KALRN: variants seen among roughly 807,000 people sequenced by gnomAD.
KALRN encodes kalirin.
A neutral mutation model predicts 353.7 loss-of-function variants in KALRN; 70 were observed. The ratio of observed to expected loss-of-function variants is 0.20; its 90% CI spans 0.16 to 0.24. KALRN has a LOEUF of 0.24. KALRN is among the 10% of genes least tolerant of loss of function. The probability of loss-of-function intolerance (pLI) is 1.00; values close to 1 mark genes in which losing one functional copy is unlikely to be tolerated. For missense variants in KALRN, 2,791 were observed against 3,756.7 expected (o/e 0.74, Z 6.72); for synonymous variants, 1,391 against 1,434.8 (o/e 0.97, Z 0.69).
intron 1 of KALRN, among the ~76,000 whole-genome samples, chr3:124,058,206 G>T (rs1460494381): frequency 6.6e-6 from 1 of 152,150 alleles, no homozygotes; most frequent in East Asian, 1.9e-4. Context: ...TTCAAGATGA[G>T]ATTTGGGTGG....
At chr3:124,110,554 A>G (rs2062867029) in intron 1 of KALRN, among the ~76,000 whole-genome samples, 1 of 150,402 alleles carries the variant, frequency 6.6e-6, no homozygotes, top group Admixed American at 6.6e-5. Flanking sequence ...ATTCCTGATG[A>G]TCCTTCTTCA....
At chr3:124,706,626 G>C (rs1175698146) in intron 57 of KALRN, among the ~76,000 whole-genome samples, 1 of 151,400 alleles carries the variant, frequency 6.6e-6, no homozygotes, top group Non-Finnish European at 1.5e-5. Context: ...CTGGAGTGCA[G>C]TGATGCAGTC....
chr3:124,422,071 A>C (rs1024177703), intron 14 of KALRN, among the ~76,000 whole-genome samples: 1 of 152,202 alleles, frequency 6.6e-6, no homozygotes, highest in Non-Finnish European at 1.5e-5. Context: ...ACATTGAGCA[A>C]ACTCTCCTTG....
chr3:124,670,301 A>G (rs1306248706), intron 47 of KALRN, among the ~76,000 whole-genome samples: 1 of 152,110 alleles, frequency 6.6e-6, no homozygotes, highest in Non-Finnish European at 1.5e-5. Context: ...TATATTTTCA[A>G]TCCACAGTTG....
At chr3:124,154,017 T>A (rs551822384) in intron 1 of KALRN, among the ~76,000 whole-genome samples, 19 of 152,328 alleles carry the variant, frequency 1.2e-4, no homozygotes, top group South Asian at 4.1e-4. Flanking sequence ...TCTGGATATT[T>A]GCCCTTTGTC....
chr3:124,546,844 A>T, intron 33 of KALRN, among the ~76,000 whole-genome samples: 1 of 152,212 alleles, frequency 6.6e-6, no homozygotes, highest in East Asian at 1.9e-4. Flanking sequence ...CTTCGAGAAT[A>T]CAGAGACATC....
intron 49 of KALRN, 157 bp downstream of exon 49, chr3:124,674,771 T>G (rs1020988687): frequency 1.4e-6 from 1 of 721,236 alleles, no homozygotes; most frequent in Non-Finnish European, 2.1e-6. Context: ...TGACACCATA[T>G]GCAACATGGG....
chr3:124,145,244 C>A lies in KALRN; in HGVS notation c.74-82746C>A, dbSNP rs552086488. Among the ~76,000 whole-genome samples the A allele has an allele frequency of 2.0e-5, 3 of 152,296 alleles. No homozygotes were observed. In the South Asian group the frequency reaches 6.2e-4, roughly 32 times the overall value. On this transcript the variant is annotated intron_variant, in intron 1 of 59. Transcript: ENST00000682506. ...CTGATCCAGTGACTCCCTCATTCATCTACTCAACAAACATTTAAGGAACTC... is the reference window on the plus strand; with the variant it reads ...CTGATCCAGTGACTCCCTCATTCATATACTCAACAAACATTTAAGGAACTC...
chr3:124,502,082 A>G (rs1433685199), intron 33 of KALRN, among the ~76,000 whole-genome samples: 1 of 152,240 alleles, frequency 6.6e-6, no homozygotes, highest in Non-Finnish European at 1.5e-5. Context: ...TGAGAGAAAA[A>G]TTGAAAGTCT....
chr3:124,084,234 G>A (rs1577897956), intron 1 of KALRN, among the ~76,000 whole-genome samples: 1 of 152,206 alleles, frequency 6.6e-6, no homozygotes, highest in Non-Finnish European at 1.5e-5. Context: ...TTAAGGCATT[G>A]GTTCTGCTTT....
rs930944136 is a variant in KALRN, at chr3:124,446,342, C to T, written c.3429+66C>T. On this transcript the variant is annotated intron_variant, in intron 20 of 59. Transcript: ENST00000682506. ...AGCATACAGAGGCCCATCACCAAGG[C>T]TTAGTCCAGAAGAGGGCCACAGCAG... The T allele has an allele frequency of 1.2e-5, 15 of 1,210,648 alleles. No homozygotes were observed. The Admixed American group carries it at 2.4e-4, about 20-fold the overall frequency. The allele number at this position is 1,210,648 out of a possible 1,614,324, so 75.0% of individuals were successfully genotyped here. A position where few individuals can be genotyped will look rare whatever the true frequency, so the allele number is the denominator to read the frequency against.
At chr3:124,320,818 C>T (rs940031444) in intron 6 of KALRN, among the ~76,000 whole-genome samples, 1 of 152,176 alleles carries the variant, frequency 6.6e-6, no homozygotes, top group African/African-American at 2.4e-5. Flanking sequence ...GGGCTCCAGA[C>T]CTTTAACTCC....
At chr3:124,443,615 G>A (rs1192521982) in intron 19 of KALRN, among the ~76,000 whole-genome samples, 1 of 152,220 alleles carries the variant, frequency 6.6e-6, no homozygotes. Flanking sequence ...TCCAAATGTA[G>A]ATGGGAGCTT....
Position 124,334,096 on chromosome 3 carries a change from G to C in KALRN, c.1417-169G>C, listed in dbSNP as rs1225235866. ...TTCCAGCTGCTCTGCCCTCCACCAG[G>C]CCGGAGGATGGGCCCCATGGCAGCT... On this transcript the variant is annotated intron_variant, in intron 8 of 59. Coordinates refer to ENST00000682506, the MANE Select transcript of KALRN (RefSeq NM_001388419.1). The surrounding 1 kb of genome is among the most constrained non-coding windows in gnomAD (Gnocchi z 4.2). Among the ~76,000 whole-genome samples, 8 of 152,196 alleles carry C rather than the reference G, an allele frequency of 5.3e-5. No individual in the cohort carries two copies. Among genetic ancestry groups the C allele is most frequent in the Admixed American group, 3.3e-4 (5 of 15,282 alleles).
intron 22 of KALRN, 69 bp downstream of exon 22, chr3:124,455,428 C>T: frequency 7.0e-7 from 1 of 1,437,624 alleles, no homozygotes; most frequent in East Asian, 2.3e-5. Flanking sequence ...GCCCTCATCG[C>T]CATGGAAGAA....
rs113379693 is a variant in KALRN, at chr3:124,334,052, C to G, written c.1417-213C>G. The stretch of plus-strand genomic sequence containing the variant: ...CACAGACAACTGGCCAGCACTCCAG[C>G]AACTCCCACATCAGGGGATTCCAGC... On this transcript the variant is annotated intron_variant, in intron 8 of 59. Coordinates refer to ENST00000682506, the MANE Select transcript of KALRN (RefSeq NM_001388419.1). The surrounding 1 kb of genome is among the most constrained non-coding windows in gnomAD (Gnocchi z 4.2). Among the ~76,000 whole-genome samples, 7,896 of 152,264 alleles carry G rather than the reference C, an allele frequency of 0.052. 653 individuals are homozygous for G. Among genetic ancestry groups the G allele is most frequent in the African/African-American group, 0.18 (7,347 of 41,524 alleles).
At chr3:124,108,445 G>A (rs1401539846) in intron 1 of KALRN, among the ~76,000 whole-genome samples, 1 of 152,134 alleles carries the variant, frequency 6.6e-6, no homozygotes, top group Non-Finnish European at 1.5e-5. Context: ...TCTACCTGTG[G>A]TAGTCATTAG....
At chr3:124,207,294 G>A (rs1298794419) in intron 1 of KALRN, among the ~76,000 whole-genome samples, 2 of 152,208 alleles carry the variant, frequency 1.3e-5, no homozygotes, top group African/African-American at 4.8e-5. Context: ...GTATGGCAAG[G>A]GATGGGCAAG....
intron 26 of KALRN, among the ~76,000 whole-genome samples, chr3:124,475,985 T>C (rs2061394863): frequency 6.6e-6 from 1 of 152,220 alleles, no homozygotes; most frequent in East Asian, 1.9e-4. Flanking sequence ...GGTTTTTTTT[T>C]TGCATCTTCT....
Sources: gnomAD v4.1 joint callset for allele counts (sites outside exome capture counted in the v4.1 genomes callset) on GRCh38, gnomAD v4.1.1 for gene constraint, Gnocchi (gnomAD v3.1) non-coding constraint, MANE v1.5 for transcripts, NCBI Gene and HGNC (gene_info 2026-07-23, HGNC 2026-07-21) for gene names.